RGS9: variants seen among roughly 807,000 people sequenced by gnomAD.
RGS9 encodes the protein regulator of G protein signaling 9.
RGS9 carries 78 observed loss-of-function variants against 102.0 expected under a neutral mutation model. That is an observed-to-expected ratio of 0.76 (90% CI 0.64 to 0.92). The LOEUF is 0.92. Among genes scored for constraint, RGS9 ranks in the 40% least tolerant of loss-of-function variants. The pLI is 0.00. For missense variants in RGS9, 833 were observed against 866.1 expected, an observed-to-expected ratio of 0.96 and a Z score of 0.48; for synonymous variants, 353 against 318.6, an observed-to-expected ratio of 1.11 and a Z score of -1.15.
chr17:65,153,029 C>T (rs1358584801), intron 1 of RGS9, among the ~76,000 whole-genome samples: 2 of 152,250 alleles, frequency 1.3e-5, no homozygotes, highest in African/African-American at 4.8e-5. Flanking sequence ...CTGGCCTCCA[C>T]TGGCTTTTCC....
chr17:65,152,278 G>A (rs1910608059), intron 1 of RGS9, among the ~76,000 whole-genome samples: 1 of 152,198 alleles, frequency 6.6e-6, no homozygotes, highest in South Asian at 2.1e-4. Flanking sequence ...GTATGGCTGG[G>A]GGAAGGAAGG....
chr17:65,142,969 C>T (rs1486337360), intron 1 of RGS9, among the ~76,000 whole-genome samples: 1 of 151,834 alleles, frequency 6.6e-6, no homozygotes, highest in African/African-American at 2.4e-5. Context: ...ATTGCCCAGG[C>T]TGGACTCAAG....
chr17:65,138,005 C>G (rs577079038), intron 1 of RGS9, among the ~76,000 whole-genome samples: 6 of 152,154 alleles, frequency 3.9e-5, no homozygotes, highest in Non-Finnish European at 8.8e-5. Flanking sequence ...ACACATAGAC[C>G]ATGAAAACGG....
At chr17:65,189,419 T>C in intron 10 of RGS9, 104 bp downstream of exon 10, 2 of 866,750 alleles carry the variant, frequency 2.3e-6, no homozygotes, top group Admixed American at 1.8e-5. Context: ...GAAAACCACG[T>C]GCAATGTTCA....
At chr17:65,197,102 T>G in intron 12 of RGS9, 24 bp from the exon 13 acceptor site, 1 of 1,564,140 alleles carries the variant, frequency 6.4e-7, no homozygotes, top group Non-Finnish European at 8.8e-7. Flanking sequence ...ACCTCTCTGG[T>G]GCATTTACAA....
At chr17:65,180,687 G>A (rs1482685547) in intron 9 of RGS9, among the ~76,000 whole-genome samples, 5 of 152,040 alleles carry the variant, frequency 3.3e-5, no homozygotes, top group Non-Finnish European at 7.4e-5. Context: ...TTAGGTTCAG[G>A]GGTTACATTT....
chr17:65,158,518 G>A, intron 3 of RGS9, 173 bp downstream of exon 3: 1 of 713,372 alleles, frequency 1.4e-6, no homozygotes, highest in Non-Finnish European at 2.5e-6. Context: ...ATAATTTGGG[G>A]ACGAAAGAGT....
intron 1 of RGS9, among the ~76,000 whole-genome samples, chr17:65,151,450 T>C (rs540399915): frequency 6.6e-6 from 1 of 152,240 alleles, no homozygotes; most frequent in Admixed American, 6.5e-5. Flanking sequence ...CTAAAGATAG[T>C]CAGGGCTGTC....
At chr17:65,208,831 T>C (rs927937187) in intron 16 of RGS9, among the ~76,000 whole-genome samples, 1 of 152,012 alleles carries the variant, frequency 6.6e-6, no homozygotes, top group African/African-American at 2.4e-5. Context: ...CCAGAGCCTT[T>C]ATCAAAGGAG....
chr17:65,223,388 G>A (rs569793399), intron 17 of RGS9, among the ~76,000 whole-genome samples: 2 of 152,342 alleles, frequency 1.3e-5, no homozygotes, highest in Non-Finnish European at 1.5e-5. Context: ...GAACTTCAGG[G>A]AGCTGGTGGG....
chr17:65,193,813 A>G (rs1401870536), intron 12 of RGS9, among the ~76,000 whole-genome samples, 157 bp downstream of exon 12: 1 of 152,226 alleles, frequency 6.6e-6, no homozygotes, highest in Non-Finnish European at 1.5e-5. Context: ...CACAAAAAAG[A>G]AACCCTGGAC....
At chr17:65,158,274 C>T (rs1267881580) in intron 2 of RGS9, 21 bp from the exon 3 acceptor site, 16 of 1,613,610 alleles carry the variant, frequency 9.9e-6, no homozygotes, top group East Asian at 4.5e-5. Flanking sequence ...ACAATAACCG[C>T]AAATGTCTCT....
intron 17 of RGS9, among the ~76,000 whole-genome samples, chr17:65,212,989 T>A (rs115020080): frequency 1.3e-5 from 2 of 152,180 alleles, no homozygotes; most frequent in African/African-American, 2.4e-5. Flanking sequence ...AATGAATGAA[T>A]GAAAAGAGCC....
At chr17:65,138,956 CA>C (rs1910018659) in intron 1 of RGS9, among the ~76,000 whole-genome samples, 1 of 58,586 alleles carries the variant, frequency 1.7e-5, no homozygotes, top group Non-Finnish European at 4.9e-5. Flanking sequence ...TCCTCCTCCC[CA>C]GCCACCCCTC....
Position 65,225,294 on chromosome 17 carries a change from G to T in RGS9, c.1700G>T (p.Arg567Leu). 2 of 1,609,024 alleles carry T rather than the reference G, an allele frequency of 1.2e-6. No individual in the cohort carries two copies. Among genetic ancestry groups the T allele is most frequent in the Non-Finnish European group, 8.5e-7 (1 of 1,179,934 alleles). ...GCCTCCCTCGACACCTCCTGGCCTCGCAGCCGGCCCAGGGCCCCTCCTAAG... is the reference window on the plus strand; with the variant it reads ...GCCTCCCTCGACACCTCCTGGCCTCTCAGCCGGCCCAGGGCCCCTCCTAAG... ...SEASLDTSWP[R>L]SRPRAPPKAR... Residue 567 changes from arginine to leucine, a missense_variant, in exon 18 of 19, where the codon CGC (arginine) becomes CTC (leucine). By Grantham distance (102) the Arg-to-Leu change is moderately radical. Transcript: ENST00000262406.
At position 65,225,379 on chromosome 17, in the gene RGS9, C is replaced by T. The variant is rs1476636999; in HGVS notation, c.1785C>T (p.Val595=). The T allele has an allele frequency of 6.2e-6, 10 of 1,611,962 alleles. No individual in the cohort carries two copies. The highest frequency in any genetic ancestry group is 7.6e-6 in the Non-Finnish European group (9 of 1,180,030). Residue 595 remains valine (V), a synonymous_variant, in exon 18 of 19, where the codon GTC becomes GTT. Transcript: ENST00000262406. The part of the protein sequence containing the change: ...FLRRGCLASP[V]FARLSPKCPA... ...GACGAGGCTGTCTGGCCTCACCTGTCTTTGCCAGGCTCTCACCCAAGTGCC... is the reference window on the plus strand; with the variant it reads ...GACGAGGCTGTCTGGCCTCACCTGTTTTTGCCAGGCTCTCACCCAAGTGCC...
At chr17:65,171,967 G>C (rs1911438177) in intron 8 of RGS9, among the ~76,000 whole-genome samples, 1 of 152,190 alleles carries the variant, frequency 6.6e-6, no homozygotes, top group African/African-American at 2.4e-5. Flanking sequence ...TCCTGGCGGT[G>C]GGTGTGCTTA....
chr17:65,183,086 A>ATCTATCTG (rs1911955577), intron 9 of RGS9, among the ~76,000 whole-genome samples: 1 of 150,454 alleles, frequency 6.6e-6, no homozygotes, highest in Non-Finnish European at 1.5e-5. Flanking sequence ...CTATCTATCT[A>ATCTATCTG]TCTATCTATC....
chr17:65,195,916 A>G (rs1164495559), intron 12 of RGS9, among the ~76,000 whole-genome samples: 1 of 152,242 alleles, frequency 6.6e-6, no homozygotes, highest in Non-Finnish European at 1.5e-5. Context: ...CCTGTCAGAC[A>G]TGCGTATTCT....
Sources: gnomAD v4.1 joint callset for allele counts (sites outside exome capture counted in the v4.1 genomes callset) on GRCh38, gnomAD v4.1.1 for gene constraint, MANE v1.5 for transcripts, NCBI Gene and HGNC (gene_info 2026-07-23, HGNC 2026-07-21) for gene names.